Variants in MPP7 observed in about 807,000 individuals in gnomAD.
The protein encoded by MPP7 is MAGUK p55 scaffold protein 7, also known as MAGUK p55 subfamily member 7.
In MPP7, 60 loss-of-function variants were observed where a neutral mutation model predicts 76.5. The ratio of observed to expected loss-of-function variants is 0.78; its 90% confidence interval spans 0.64 to 0.97. The LOEUF (loss-of-function observed/expected upper bound fraction) is 0.97. Among genes scored for constraint, MPP7 ranks in the 50% least tolerant of loss-of-function variants. The pLI, the probability that MPP7 is intolerant of heterozygous loss-of-function variation, is 0.00. For synonymous variants in MPP7, 237 were observed against 244.5 expected, an observed-to-expected ratio of 0.97 and a Z score of 0.29; for missense variants, 641 against 694.0, an observed-to-expected ratio of 0.92 and a Z score of 0.86.
At chr10:28,259,422 T>C (rs567713959) in intron 1 of MPP7, among the ~76,000 whole-genome samples, 2 of 151,610 alleles carry the variant, frequency 1.3e-5, no homozygotes, top group East Asian at 3.9e-4. Flanking sequence ...CTGATAAAAA[T>C]ACAAAAAATT....
At chr10:28,156,541 T>A (rs2133804377) in intron 3 of MPP7, among the ~76,000 whole-genome samples, 1 of 152,082 alleles carries the variant, frequency 6.6e-6, no homozygotes. Flanking sequence ...ACAGTCCAAG[T>A]AAAAAGAGAA....
chr10:28,256,721 T>A (rs986776676), intron 1 of MPP7, among the ~76,000 whole-genome samples: 4 of 152,220 alleles, frequency 2.6e-5, no homozygotes, highest in African/African-American at 4.8e-5. Context: ...TTCTATTAAT[T>A]TTTTAAAATT....
rs190538300 is a variant in MPP7 at position 28,132,822 on chromosome 10, A to G, written c.316-1131T>C. On this transcript the variant is annotated intron_variant, in intron 5 of 16. Transcript: ENST00000683449. ...ACCATTTTGCCCAGGCTGGTCTTGA[A>G]CTCCTGACCTCATGATCCACCTGCC... Among the ~76,000 whole-genome samples, 336 of 127,600 alleles carry G rather than the reference A, an allele frequency of 2.6e-3. 2 individuals are homozygous for G. The highest frequency in any genetic ancestry group is 8.2e-3 in the African/African-American group (318 of 38,590). 83.7% of individuals were successfully genotyped at this position (127,600 alleles called of 152,430 possible). A position where few individuals can be genotyped will look rare whatever the true frequency, so the allele number is the denominator to read the frequency against.
rs150972511 is a variant in MPP7, at chr10:28,288,441, A to T, written c.-132+14420T>A. Among the ~76,000 whole-genome samples the T allele has an allele frequency of 4.7e-3, 709 of 152,186 alleles. 5 individuals carry two copies. Among genetic ancestry groups the T allele is most frequent in the African/African-American group, 0.016 (664 of 41,536 alleles). Reference sequence around the variant, plus strand: ...TTTTTTGTAGAGACAAAGTCTCACTATGTTGCCCAGGCTTGTCTCGAACTC... The same window carrying T: ...TTTTTTGTAGAGACAAAGTCTCACTTTGTTGCCCAGGCTTGTCTCGAACTC... On this transcript the variant is annotated intron_variant, in intron 1 of 16. Transcript: ENST00000683449.
At chr10:28,299,888 T>C (rs1404359614) in intron 1 of MPP7, among the ~76,000 whole-genome samples, 1 of 151,012 alleles carries the variant, frequency 6.6e-6, no homozygotes, top group Non-Finnish European at 1.5e-5. Flanking sequence ...TGCCTCAGCC[T>C]CCCGAGTAGC....
At chr10:28,231,584 C>T (rs916940851) in intron 2 of MPP7, among the ~76,000 whole-genome samples, 12 of 147,822 alleles carry the variant, frequency 8.1e-5, no homozygotes, top group African/African-American at 3.0e-4. Context: ...ACTACAGGTA[C>T]GAAGTAATAA....
intron 11 of MPP7, among the ~76,000 whole-genome samples, 195 bp from the exon 12 acceptor site, chr10:28,090,036 C>T (rs1358551101): frequency 6.6e-6 from 1 of 152,130 alleles, no homozygotes; most frequent in Non-Finnish European, 1.5e-5. Context: ...TCACAGCTTA[C>T]TGCAGTGTTG....
chr10:28,058,274 C>T (rs1268595812), intron 15 of MPP7, among the ~76,000 whole-genome samples: 1 of 152,202 alleles, frequency 6.6e-6, no homozygotes, highest in Non-Finnish European at 1.5e-5. Flanking sequence ...AAACACAGGT[C>T]TTGGAGCTTC....
chr10:28,186,671 TG>T (rs1564686906), intron 3 of MPP7, among the ~76,000 whole-genome samples: 1 of 152,230 alleles, frequency 6.6e-6, no homozygotes, highest in East Asian at 1.9e-4. Context: ...CCACCTGTCA[TG>T]GCATTAAAGC....
intron 2 of MPP7, among the ~76,000 whole-genome samples, chr10:28,238,280 G>A (rs963505881): frequency 6.6e-6 from 1 of 152,082 alleles, no homozygotes; most frequent in Non-Finnish European, 1.5e-5. Context: ...TTTTCTATAA[G>A]TTTCAAATAC....
intron 5 of MPP7, among the ~76,000 whole-genome samples, chr10:28,138,822 G>C (rs1835424323): frequency 1.3e-5 from 2 of 152,210 alleles, no homozygotes; most frequent in Non-Finnish European, 2.9e-5. Context: ...CTTATATGTA[G>C]AGACAAAGAA....
chr10:28,281,803 C>T (rs1301893349), intron 1 of MPP7, among the ~76,000 whole-genome samples: 1 of 152,020 alleles, frequency 6.6e-6, no homozygotes, highest in African/African-American at 2.4e-5. Flanking sequence ...ATTCATAAAA[C>T]CAGCAATAAG....
At chr10:28,332,278 T>TGTGTGTGTG (rs1554871693) in intron 1 of MPP7, among the ~76,000 whole-genome samples, 5 of 151,800 alleles carry the variant, frequency 3.3e-5, no homozygotes, top group South Asian at 2.1e-4. Flanking sequence ...TGTGTGTGTG[T>TGTGTGTGTG]TTAATAAATT....
intron 13 of MPP7, among the ~76,000 whole-genome samples, chr10:28,067,236 T>C (rs992029629): frequency 3.9e-5 from 6 of 152,204 alleles, no homozygotes; most frequent in Admixed American, 1.3e-4. Context: ...AAGAGAATTA[T>C]AGAAATAAAC....
chr10:28,111,102 C>T (rs1834492186), intron 11 of MPP7, among the ~76,000 whole-genome samples: 2 of 151,974 alleles, frequency 1.3e-5, no homozygotes, highest in Admixed American at 6.5e-5. Flanking sequence ...ACTTATTATA[C>T]ATGTACCTTT....
rs949044276 is a variant in MPP7 at position 28,053,745 on chromosome 10, TC to T, written c.*319del. ...CCTGAGACCAGCAGAAGCGCTGAAC[TC>T]CCATACATACTAAGCCTCTAGCTAA... On this transcript the variant is annotated 3_prime_UTR_variant, in exon 17 of 17. Transcript: ENST00000683449. The T allele has an allele frequency of 1.3e-4, 32 of 251,584 alleles. No individual in the cohort carries two copies. Among genetic ancestry groups the T allele is most frequent in the Non-Finnish European group, 2.1e-4 (28 of 134,024 alleles). 15.6% of individuals were successfully genotyped at this position (251,584 alleles called of 1,614,324 possible). A position where few individuals can be genotyped will look rare whatever the true frequency, so the allele number is the denominator to read the frequency against.
At position 28,131,664 on chromosome 10, in the gene MPP7, C is replaced by T. The variant is rs760973181; in HGVS notation, c.343G>A (p.Ala115Thr). Residue 115 changes from alanine to threonine, a missense_variant, in exon 6 of 17, where the codon GCT (alanine) becomes ACT (threonine). By Grantham distance (58) the Ala-to-Thr change is moderately conservative. Transcript: ENST00000683449. ...KALLSVHDTV[A>T]QKNYDPVLPP... ...AACACTGGGTCGTAATTCTTCTGAG[C>T]CACAGTATCATGTACAGAGAGCAAA... 13 of 1,600,180 alleles carry T rather than the reference C, an allele frequency of 8.1e-6. No homozygotes were observed. The highest frequency in any genetic ancestry group is 1.1e-5 in the Non-Finnish European group (13 of 1,171,690).
intron 2 of MPP7, among the ~76,000 whole-genome samples, chr10:28,237,705 A>C (rs2132736751): frequency 6.6e-6 from 1 of 152,330 alleles, no homozygotes; most frequent in South Asian, 2.1e-4. Context: ...TATCAACCAA[A>C]TTCAGGATGG....
At chr10:28,298,858 C>T (rs1212306680) in intron 1 of MPP7, among the ~76,000 whole-genome samples, 3 of 152,214 alleles carry the variant, frequency 2.0e-5, no homozygotes, top group African/African-American at 7.2e-5. Flanking sequence ...TGCTGCTTCA[C>T]CTTGCACTTT....
Sources: allele counts gnomAD v4.1 joint callset (sites outside exome capture counted in the v4.1 genomes callset), GRCh38; gene constraint gnomAD v4.1.1; transcripts MANE v1.5; gene names NCBI Gene and HGNC (gene_info 2026-07-23, HGNC 2026-07-21).